The following PCDHA8 variants were observed in gnomAD, a reference collection of about 807,000 sequenced individuals.
PCDHA8 encodes protocadherin alpha-8.
PCDHA8 carries 53 observed loss-of-function variants against 61.8 expected under a neutral mutation model. The observed-to-expected ratio is 0.86, with a 90% confidence interval of 0.69 to 1.08. The LOEUF is 1.08. PCDHA8 is among the 50% of genes least tolerant of loss of function. The pLI, the probability that PCDHA8 is intolerant of heterozygous loss-of-function variation, is 0.00. For synonymous variants in PCDHA8, 618 were observed against 556.6 expected (o/e 1.11, Z -1.55); for missense variants, 1,293 against 1,245.0 (o/e 1.04, Z -0.58).
intron 1 of PCDHA8, chr5:140,877,726 C>T (rs781814794): frequency 6.2e-7 from 1 of 1,614,174 alleles, no homozygotes; most frequent in African/African-American, 1.3e-5. Context: ...GTCTTACTCG[C>T]AGCAGAGGAG....
Position 140,843,512 on chromosome 5 carries a change from G to A in PCDHA8, c.2191G>A (p.Gly731Arg), listed in dbSNP as rs782010980. The A allele has an allele frequency of 6.3e-7, 1 of 1,595,964 alleles. No individual in the cohort carries two copies. Among genetic ancestry groups the A allele is most frequent in the Non-Finnish European group, 8.6e-7 (1 of 1,165,564 alleles). Residue 731 changes from glycine (G) to arginine (R), a missense_variant, in exon 1 of 4, where the codon GGG becomes AGG. By Grantham distance (125) the Gly-to-Arg change is moderately radical. Coordinates refer to ENST00000531613, the MANE Select transcript of PCDHA8 (RefSeq NM_018911.3). Reference sequence around the variant, plus strand: ...GTGCTCAGCACTGCCCACTGAGGGCGGGTGCCGGGCGGGCAAGCCCACTCT... The same window carrying A: ...GTGCTCAGCACTGCCCACTGAGGGCAGGTGCCGGGCGGGCAAGCCCACTCT... ...LRCSALPTEGGCRAGKPTLVC... is the reference protein window; with the variant it reads ...LRCSALPTEGRCRAGKPTLVC...
chr5:140,882,152 GA>G, intron 1 of PCDHA8: 1 of 1,505,314 alleles, frequency 6.6e-7, no homozygotes, highest in East Asian at 2.3e-5. Flanking sequence ...GCAGAAAGCG[GA>G]ATACCTCTTG....
intron 3 of PCDHA8, among the ~76,000 whole-genome samples, chr5:140,987,130 C>G (rs1220504537): frequency 6.6e-6 from 1 of 151,648 alleles, no homozygotes; most frequent in East Asian, 1.9e-4. Context: ...AGGAGAATTG[C>G]TTGAACTCGG....
At chr5:140,874,317 A>G (rs1423586280) in intron 1 of PCDHA8, among the ~76,000 whole-genome samples, 2 of 151,836 alleles carry the variant, frequency 1.3e-5, no homozygotes, top group Admixed American at 1.3e-4. Flanking sequence ...GAGTTGTAGG[A>G]TCTTATCTGT....
chr5:140,902,201 T>C (rs1554190261), intron 1 of PCDHA8, among the ~76,000 whole-genome samples: 1 of 145,052 alleles, frequency 6.9e-6, no homozygotes. Flanking sequence ...CTCTCTCTCT[T>C]TCTTTTTTTT....
chr5:140,921,257 A>G lies in PCDHA8; in HGVS notation c.2395-57692A>G, dbSNP rs115706395. On this transcript the variant is annotated intron_variant, in intron 1 of 3. Coordinates refer to ENST00000531613, the MANE Select transcript of PCDHA8 (RefSeq NM_018911.3). The stretch of plus-strand genomic sequence containing the variant: ...ATTAAGCCACAGATCAAAAAGTCCT[A>G]GACTTTTATACTTACTTGAAAAAAA... 1.4e-3 allele frequency among the ~76,000 whole-genome samples: 213 copies of G among 152,258 alleles called. 1 individual carries two copies. The highest frequency in any genetic ancestry group is 4.8e-3 in the African/African-American group (199 of 41,532).
intron 1 of PCDHA8, among the ~76,000 whole-genome samples, chr5:140,912,581 T>C (rs2075985656): frequency 6.6e-6 from 1 of 152,178 alleles, no homozygotes; most frequent in Admixed American, 6.5e-5. Flanking sequence ...CTTTTCCAAT[T>C]TGGATGCCCT....
rs144072974 is a variant in PCDHA8 at position 140,938,897 on chromosome 5, G to GCA, written c.2395-40040_2395-40039dup. 1.4e-3 allele frequency among the ~76,000 whole-genome samples: 215 copies of GCA among 151,312 alleles called. 3 individuals carry two copies. The East Asian group carries it at 0.032, about 22-fold the overall frequency. Reference sequence around the variant, plus strand: ...AAGCAACACACACACACACAGATGCGCACACACACACACGCACAAGAAATT... The same window carrying GCA: ...AAGCAACACACACACACACAGATGCGCACACACACACACACGCACAAGAAATT... On this transcript the variant is annotated intron_variant, in intron 1 of 3. Coordinates refer to ENST00000531613, the MANE Select transcript of PCDHA8 (RefSeq NM_018911.3).
At chr5:140,941,215 C>CTTTCTTTCTTTCTT (rs2092887387) in intron 1 of PCDHA8, among the ~76,000 whole-genome samples, 1 of 104,510 alleles carries the variant, frequency 9.6e-6, no homozygotes, top group African/African-American at 3.7e-5. Context: ...TTCTTTCTTC[C>CTTTCTTTCTTTCTT]TTTCTTTCTT....
At chr5:140,952,721 G>A (rs781821007) in intron 1 of PCDHA8, among the ~76,000 whole-genome samples, 1 of 152,100 alleles carries the variant, frequency 6.6e-6, no homozygotes, top group Non-Finnish European at 1.5e-5. Context: ...TCAATTTTCT[G>A]TACTAGTCTT....
rs1319319145 is a variant in PCDHA8, at chr5:140,841,205, T to G, written c.-117T>G. ...TCAAAGTCTTTTCTCTGACAGCATC[T>G]GTCTCTAAAGGCCGAACAACGGGAG... On this transcript the variant is annotated 5_prime_UTR_variant, in exon 1 of 4. Coordinates refer to ENST00000531613, the MANE Select transcript of PCDHA8 (RefSeq NM_018911.3). 2 of 1,339,602 alleles carry G rather than the reference T, an allele frequency of 1.5e-6. No homozygotes were observed. Among genetic ancestry groups the G allele is most frequent in the African/African-American group, 3.0e-5 (2 of 67,626 alleles). The allele number at this position is 1,339,602 out of a possible 1,614,324, so 83.0% of individuals were successfully genotyped here. A position where few individuals can be genotyped will look rare whatever the true frequency, so the allele number is the denominator to read the frequency against.
intron 1 of PCDHA8, chr5:140,876,989 G>A (rs781957201): frequency 6.2e-7 from 1 of 1,612,664 alleles, no homozygotes. Context: ...GCACTGTCGA[G>A]CTACGTGTCG....
intron 3 of PCDHA8, among the ~76,000 whole-genome samples, chr5:140,992,085 TAGAGAA>T (rs1253503619): frequency 1.4e-5 from 2 of 146,836 alleles, no homozygotes; most frequent in Non-Finnish European, 3.0e-5. Flanking sequence ...TGAGCTAGAG[TAGAGAA>T]AGAGAATTAA....
rs374163229 is a variant in PCDHA8 at position 140,870,784 on chromosome 5, G to C, written c.2394+27069G>C. 16 of 1,613,456 alleles carry C rather than the reference G, an allele frequency of 9.9e-6. No homozygotes were observed. The African/African-American group carries it at 2.0e-4, about 20-fold the overall frequency. On this transcript the variant is annotated intron_variant, in intron 1 of 3. Transcript: ENST00000531613. ...GTTCGTGCTGGACGAGAACGACAAC[G>C]CGCCGGCACTGCTGGCGACTCAGGC...
intron 1 of PCDHA8, among the ~76,000 whole-genome samples, chr5:140,951,349 T>C (rs1403359324): frequency 1.3e-5 from 2 of 152,144 alleles, no homozygotes; most frequent in Non-Finnish European, 2.9e-5. Flanking sequence ...GTTAGTCCAT[T>C]ATTGCACTGT....
chr5:141,004,274 A>T (rs2098160407), intron 3 of PCDHA8, among the ~76,000 whole-genome samples: 1 of 152,212 alleles, frequency 6.6e-6, no homozygotes, highest in Admixed American at 6.5e-5. Flanking sequence ...CACAGTCTAC[A>T]TGCTGCTGAG....
intron 1 of PCDHA8, among the ~76,000 whole-genome samples, chr5:140,940,805 A>G (rs957278090): frequency 6.6e-6 from 1 of 152,202 alleles, no homozygotes. Context: ...ATTTGCCAGG[A>G]TATCCTGAGA....
intron 3 of PCDHA8, among the ~76,000 whole-genome samples, chr5:140,985,928 C>G (rs1001132600): frequency 9.9e-5 from 15 of 151,534 alleles, no homozygotes; most frequent in Non-Finnish European, 1.3e-4. Context: ...TTTAGTAGAG[C>G]CGGGGTTTCA....
Position 140,842,396 on chromosome 5 carries a change from G to A in PCDHA8, c.1075G>A (p.Val359Ile). Residue 359 changes from valine (V) to isoleucine (I), a missense_variant, in exon 1 of 4, where the codon GTA becomes ATA. Val to Ile is a conservative substitution (Grantham distance 29, BLOSUM62 3). Coordinates refer to ENST00000531613, the MANE Select transcript of PCDHA8 (RefSeq NM_018911.3). Reference sequence around the variant, plus strand: ...AGCACTGACTTCCTTATCCTTGCCTGTACGTGAAGACGCTCAATTTGGTAC... The same window carrying A: ...AGCACTGACTTCCTTATCCTTGCCTATACGTGAAGACGCTCAATTTGGTAC... The part of the protein sequence containing the change: ...EIALTSLSLP[V>I]REDAQFGTVI... 2 of 1,611,442 alleles carry A rather than the reference G, an allele frequency of 1.2e-6. No homozygotes were observed. Among genetic ancestry groups the A allele is most frequent in the South Asian group, 2.2e-5 (2 of 91,024 alleles).
Sources: allele counts gnomAD v4.1 joint callset (sites outside exome capture counted in the v4.1 genomes callset), GRCh38; gene constraint gnomAD v4.1.1; transcripts MANE v1.5; gene names NCBI Gene and HGNC (gene_info 2026-07-23, HGNC 2026-07-21).